The following ZNF273 variants were observed in gnomAD, a reference collection of about 807,000 sequenced individuals.
The protein encoded by ZNF273 is zinc finger protein 273.
A neutral mutation model predicts 14.9 loss-of-function variants in ZNF273; 11 were observed. The ratio of observed to expected loss-of-function variants is 0.74; its 90% CI spans 0.46 to 1.22. The LOEUF (loss-of-function observed/expected upper bound fraction) is 1.22. Among genes scored for constraint, ZNF273 ranks in the 50% most tolerant of loss-of-function variants. The pLI is 0.00. For missense variants in ZNF273, 577 were observed against 660.6 expected (o/e 0.87, Z 1.39); for synonymous variants, 199 against 223.9 (o/e 0.89, Z 0.99).
chr7:64,891,555 G>C (rs547022665), downstream of ZNF273, among the ~76,000 whole-genome samples: 31 of 152,298 alleles, frequency 2.0e-4, no homozygotes, highest in East Asian at 5.8e-3. Context: ...CCCAGACATC[G>C]TTGTGGCCCT....
rs2129109326 is a variant in ZNF273 at position 64,930,322 on chromosome 7, T to C, written c.*1284T>C. On this transcript the variant is annotated 3_prime_UTR_variant, in exon 4 of 4. Coordinates refer to ENST00000476120, the MANE Select transcript of ZNF273 (RefSeq NM_021148.3). ...TAAAATGAAAGATGCATGATGAAAA[T>C]CTAAGTAGAGAGGCTCTTGTGGTTA... is the stretch of plus-strand genomic sequence containing the variant. 1 of 152,248 alleles carries C rather than the reference T, an allele frequency of 6.6e-6. No individual in the cohort carries two copies. Among genetic ancestry groups the C allele is most frequent in the East Asian group, 1.9e-4 (1 of 5,190 alleles). The allele number at this position is 152,248 out of a possible 1,614,324, so 9.4% of individuals were successfully genotyped here. A position where few individuals can be genotyped will look rare whatever the true frequency, so the allele number is the denominator to read the frequency against.
Position 64,917,802 on chromosome 7 carries a change from A to G in ZNF273, c.229+95A>G, listed in dbSNP as rs1794118917. 2.2e-6 allele frequency: 3 copies of G among 1,333,688 alleles called. No homozygotes were observed. In the African/African-American group the frequency reaches 4.5e-5, roughly 20 times the overall value. The allele number at this position is 1,333,688 out of a possible 1,614,324, so 82.6% of individuals were successfully genotyped here. On this transcript the variant is annotated intron_variant, in intron 2 of 3. Coordinates refer to ENST00000476120, the MANE Select transcript of ZNF273 (RefSeq NM_021148.3). ...TCTGCTTTGCATAAATAAATTTTAG[A>G]TCCCTATTTTCAACAAAATCCTGGG...
chr7:64,903,478 G>A (rs1792876792), intron 1 of ZNF273, 59 bp downstream of exon 1: 1 of 1,508,368 alleles, frequency 6.6e-7, no homozygotes. Context: ...GAACTGGTGG[G>A]AAGTGGATGT....
rs927392247 is a variant in ZNF273 at position 64,921,907 on chromosome 7, G to A, written c.325+3615G>A. Among the ~76,000 whole-genome samples, 5 of 151,936 alleles carry A rather than the reference G, an allele frequency of 3.3e-5. 1 individual carries two copies. Among genetic ancestry groups the A allele is most frequent in the African/African-American group, 1.2e-4 (5 of 41,352 alleles). On this transcript the variant is annotated intron_variant, in intron 3 of 3. Coordinates refer to ENST00000476120, the MANE Select transcript of ZNF273 (RefSeq NM_021148.3). The stretch of plus-strand genomic sequence containing the variant: ...GCCTCCCAAAGTGCTGGGATTACAG[G>A]TGAGAGCTACCATGCCCAGCCACTA...
In ZNF273 at chr7:64,917,580, G is replaced by A; in HGVS notation, c.103-1G>A. Reference sequence around the variant, plus strand: ...TGTTTTTGTGTGTGTGTGTTTTTCAGGGACCACTGACATTTAGGGATGTGG... The same window carrying A: ...TGTTTTTGTGTGTGTGTGTTTTTCAAGGACCACTGACATTTAGGGATGTGG... On this transcript the variant is annotated splice_acceptor_variant, in intron 1 of 3. Transcript: ENST00000476120. LOFTEE classifies it high-confidence loss of function. The A allele has an allele frequency of 3.1e-6, 5 of 1,594,672 alleles. No individual in the cohort carries two copies. The highest frequency in any genetic ancestry group is 4.3e-6 in the Non-Finnish European group (5 of 1,167,804).
chr7:64,927,262 G>C (rs1270510473), intron 3 of ZNF273, among the ~76,000 whole-genome samples: 1 of 152,072 alleles, frequency 6.6e-6, no homozygotes, highest in Non-Finnish European at 1.5e-5. Flanking sequence ...GCTAATTTTT[G>C]TGGTTTTACC....
At chr7:64,926,704 T>A (rs1328384530) in intron 3 of ZNF273, among the ~76,000 whole-genome samples, 1 of 152,226 alleles carries the variant, frequency 6.6e-6, no homozygotes, top group Non-Finnish European at 1.5e-5. Flanking sequence ...CATCACAATC[T>A]TTATAACGTA....
rs148564376 is a variant in ZNF273, at chr7:64,927,786, C to T, written c.458C>T (p.Ala153Val). The T allele has an allele frequency of 8.7e-5, 140 of 1,612,964 alleles. No individual in the cohort carries two copies. In the Middle Eastern group the frequency reaches 1.8e-3, roughly 21 times the overall value. The stretch of plus-strand genomic sequence containing the variant: ...CAATTAAGAAAAGGCTGTAAAAGTG[C>T]GGATGAGCATAAGGTGCACAAAAGA... ...NLQLRKGCKS[A>V]DEHKVHKRGY... is the part of the protein sequence containing the mutation. The change falls in exon 4 of 4, where the codon GCG becomes GTG. Residue 153 changes from alanine to valine, a missense_variant. Coordinates refer to ENST00000476120, the MANE Select transcript of ZNF273 (RefSeq NM_021148.3).
chr7:64,914,002 G>A (rs1289675965), intron 1 of ZNF273, among the ~76,000 whole-genome samples: 1 of 151,470 alleles, frequency 6.6e-6, no homozygotes, highest in Non-Finnish European at 1.5e-5. Flanking sequence ...AAAAGTAATT[G>A]TCGTTTTCGC....
downstream of ZNF273, among the ~76,000 whole-genome samples, chr7:64,935,459 C>CA (rs964762075): frequency 1.4e-4 from 21 of 151,984 alleles, no homozygotes; most frequent in Admixed American, 2.0e-4. Context: ...CTGTTTTATT[C>CA]AGAGATTTAT....
At chr7:64,935,398 T>G (rs557305372), downstream of ZNF273, among the ~76,000 whole-genome samples, 1 of 152,222 alleles carries the variant, frequency 6.6e-6, no homozygotes, top group African/African-American at 2.4e-5. Context: ...AGCTGTGCAT[T>G]TTTTTTGGTA....
downstream of ZNF273, among the ~76,000 whole-genome samples, chr7:64,884,354 G>C (rs1268395922): frequency 2.0e-5 from 3 of 152,088 alleles, no homozygotes; most frequent in Non-Finnish European, 4.4e-5. Flanking sequence ...TCCCATTTGA[G>C]CCTTTATTTC....
exon 2 of ZNF273, chr7:64,888,750 A>G (rs1360344086): frequency 3.0e-6 from 3 of 985,698 alleles, no homozygotes; most frequent in Non-Finnish European, 3.6e-6. Context: ...CCAGCCCCGC[A>G]GAGCCGGATA....
At chr7:64,927,101 C>CT (rs929337429) in intron 3 of ZNF273, among the ~76,000 whole-genome samples, 19 of 151,966 alleles carry the variant, frequency 1.3e-4, no homozygotes, top group Admixed American at 2.6e-4. Context: ...CAATTTACTC[C>CT]TTTTTTTTGA....
intron 1 of ZNF273, chr7:64,917,086 ATTC>A (rs1794061408): frequency 7.8e-7 from 1 of 1,286,228 alleles, no homozygotes; most frequent in African/African-American, 1.5e-5. Flanking sequence ...TTGACAAAAT[ATTC>A]TTCTTGGGCC....
upstream of ZNF273, among the ~76,000 whole-genome samples, chr7:64,902,412 A>G (rs950353536): frequency 3.3e-5 from 5 of 152,124 alleles, no homozygotes; most frequent in African/African-American, 1.2e-4. Flanking sequence ...CAAATATCTG[A>G]GACAGATCTC....
At chr7:64,925,595 G>A (rs1794732287) in intron 3 of ZNF273, among the ~76,000 whole-genome samples, 2 of 152,106 alleles carry the variant, frequency 1.3e-5, no homozygotes, top group African/African-American at 4.8e-5. Flanking sequence ...GCGCCACCAT[G>A]CCTGGCTAAT....
exon 4 of ZNF273, chr7:64,897,990 G>A (rs1282379716): frequency 6.6e-6 from 1 of 151,842 alleles, no homozygotes; most frequent in Non-Finnish European, 1.5e-5. Context: ...GCCTCCCAAA[G>A]TGCTGGTATT....
downstream of ZNF273, among the ~76,000 whole-genome samples, chr7:64,882,983 G>A (rs1791328285): frequency 6.6e-6 from 1 of 152,200 alleles, no homozygotes; most frequent in Non-Finnish European, 1.5e-5. Context: ...GTGTGTGCGC[G>A]TGTGTGTGTT....
Sources: gnomAD v4.1 joint callset for allele counts (sites outside exome capture counted in the v4.1 genomes callset) on GRCh38, gnomAD v4.1.1 for gene constraint, MANE v1.5 for transcripts, NCBI Gene and HGNC (gene_info 2026-07-23, HGNC 2026-07-21) for gene names.